The following FSCN2 variants were observed in gnomAD, a reference collection of about 807,000 sequenced individuals.
The protein encoded by FSCN2 is fascin actin-bundling protein 2, retinal.
In FSCN2, 46 loss-of-function variants were observed where a neutral mutation model predicts 37.8. The observed-to-expected ratio is 1.22, with a 90% CI of 0.96 to 1.56. The LOEUF (loss-of-function observed/expected upper bound fraction) is 1.56. Among genes scored for constraint, FSCN2 ranks in the 40% most tolerant of loss-of-function variants. The pLI, the probability that FSCN2 is intolerant of heterozygous loss-of-function variation, is 0.00. For synonymous variants in FSCN2, 351 were observed against 309.4 expected, an observed-to-expected ratio of 1.13 and a Z score of -1.41; for missense variants, 844 against 730.4, an observed-to-expected ratio of 1.16 and a Z score of -1.79.
chr17:81,533,047 C>T (rs1301894680), intron 1 of FSCN2, among the ~76,000 whole-genome samples: 1 of 152,140 alleles, frequency 6.6e-6, no homozygotes. Flanking sequence ...CATCTCAGTC[C>T]TGGGGCATGG....
chr17:81,518,226 C>T, the FSCN2 span, among the ~76,000 whole-genome samples: 1 of 152,138 alleles, frequency 6.6e-6, no homozygotes, highest in Middle Eastern at 3.2e-3. Flanking sequence ...CCTGGCATGC[C>T]CCCATGCCAC....
chr17:81,520,757 C>G, the FSCN2 span, among the ~76,000 whole-genome samples: 1 of 152,244 alleles, frequency 6.6e-6, no homozygotes, highest in Non-Finnish European at 1.5e-5. Flanking sequence ...TCAGGCTTTT[C>G]CTTGCTGATC....
In FSCN2 at chr17:81,535,889, C is replaced by T. The variant is rs569124672; in HGVS notation, c.984-257C>T. Among the ~76,000 whole-genome samples the T allele has an allele frequency of 4.1e-5, 6 of 148,046 alleles. No homozygotes were observed. In the South Asian group the frequency reaches 1.3e-3, roughly 33 times the overall value. On this transcript the variant is annotated intron_variant, in intron 2 of 4. Coordinates refer to ENST00000417245, the MANE Select transcript of FSCN2 (RefSeq NM_012418.4). ...TCTCCATCCCCATCCCCATCTCCAT[C>T]TTCACCATCCCCACCACCGTTCCCA... is the stretch of plus-strand genomic sequence containing the variant.
chr17:81,533,496 G>A (rs1054984886), intron 1 of FSCN2, among the ~76,000 whole-genome samples: 1 of 152,180 alleles, frequency 6.6e-6, no homozygotes, highest in African/African-American at 2.4e-5. Flanking sequence ...TCAGCCTGAC[G>A]CCCTCACGGT....
At chr17:81,534,305 C>T (rs549616403) in intron 1 of FSCN2, among the ~76,000 whole-genome samples, 1 of 152,308 alleles carries the variant, frequency 6.6e-6, no homozygotes, top group South Asian at 2.1e-4. Context: ...CCTCCCAGTC[C>T]CCAGCTGGAC....
intron 1 of FSCN2, among the ~76,000 whole-genome samples, chr17:81,534,116 A>C (rs1568080860): frequency 6.6e-6 from 1 of 152,182 alleles, no homozygotes; most frequent in Non-Finnish European, 1.5e-5. Context: ...GCGTCTGATC[A>C]GTGATGAGTG....
chr17:81,525,959 CCT>C (rs1158386950), upstream of FSCN2, among the ~76,000 whole-genome samples: 1 of 152,218 alleles, frequency 6.6e-6, no homozygotes, highest in African/African-American at 2.4e-5. Context: ...GTCACCCTCC[CCT>C]GTTTAGCTCA....
At chr17:81,532,152 G>GTGATGT (rs2032678853) in intron 1 of FSCN2, among the ~76,000 whole-genome samples, 1 of 128,390 alleles carries the variant, frequency 7.8e-6, no homozygotes, top group Admixed American at 7.6e-5. Context: ...GATGGTGATG[G>GTGATGT]TGATGATGAT....
At chr17:81,531,609 GTGA>G (rs1321530175) in intron 1 of FSCN2, among the ~76,000 whole-genome samples, 2 of 136,492 alleles carry the variant, frequency 1.5e-5, no homozygotes, top group South Asian at 2.6e-4. Context: ...GATGATAATG[GTGA>G]TGATGGTGAT....
rs1598579567 is a variant in FSCN2, at chr17:81,535,171, G to T, written c.946G>T (p.Val316Phe). Reference protein sequence around the residue: ...YSSTGGYWTLVTHGGIHATAT... With the variant: ...YSSTGGYWTLFTHGGIHATAT... ...CAGCACTGGGGGCTACTGGACCCTG[G>T]TCACCCATGGGGGCATTCACGCCAC... is the stretch of plus-strand genomic sequence containing the variant. Residue 316 changes from valine to phenylalanine, a missense_variant, in exon 2 of 5, where the codon GTC (valine) becomes TTC (phenylalanine). Coordinates refer to ENST00000417245, the MANE Select transcript of FSCN2 (RefSeq NM_012418.4). 6.5e-7 allele frequency: 1 copy of T among 1,533,138 alleles called. No individual in the cohort carries two copies. Among genetic ancestry groups the T allele is most frequent in the South Asian group, 1.2e-5 (1 of 83,656 alleles). The allele number at this position is 1,533,138 out of a possible 1,614,324, so 95.0% of individuals were successfully genotyped here. A position where few individuals can be genotyped will look rare whatever the true frequency, so the allele number is the denominator to read the frequency against.
chr17:81,535,809 ATCTCCATCACCATCCCCC>A (rs2032854167), intron 2 of FSCN2, among the ~76,000 whole-genome samples: 1 of 48,574 alleles, frequency 2.1e-5, no homozygotes, highest in Non-Finnish European at 3.8e-5. Context: ...CACCATCCCC[ATCTCCATCACCATCCCCC>A]TCTCCATCCC....
In FSCN2 at chr17:81,528,646, A is replaced by T. The variant is rs782367129; in HGVS notation, c.115A>T (p.Ser39Cys). The T allele has an allele frequency of 1.2e-6, 2 of 1,603,858 alleles. No homozygotes were observed. The highest frequency in any genetic ancestry group is 1.7e-6 in the Non-Finnish European group (2 of 1,175,936). ...CTTCAAGGTCAATGCCTCGGCACCC[A>T]GCCTCAAGAGGAAGCAGACCTGGGT... ...FGFKVNASAP[S>C]LKRKQTWVLE... is the part of the protein sequence containing the mutation. The change falls in exon 1 of 5, where the codon AGC (serine) becomes TGC (cysteine). Residue 39 changes from serine (S) to cysteine (C), a missense_variant. By Grantham distance (112) the Ser-to-Cys change is moderately radical. Coordinates refer to ENST00000417245, the MANE Select transcript of FSCN2 (RefSeq NM_012418.4).
intron 1 of FSCN2, among the ~76,000 whole-genome samples, chr17:81,533,428 C>T (rs192177146): frequency 1.2e-4 from 18 of 152,276 alleles, no homozygotes; most frequent in Non-Finnish European, 2.1e-4. Context: ...CAGCAGCTTC[C>T]CCGGAGTCCT....
rs142557936 is a variant in FSCN2, at chr17:81,531,318, A to ATGATGGTGG, written c.826+1964_826+1972dup. ...GGTGATGGTGATGGTGGTGGTGGTG[A>ATGATGGTGG]TGATGGTGGTGGTGGTGATGGTGGT... On this transcript the variant is annotated intron_variant, in intron 1 of 4. Coordinates refer to ENST00000417245, the MANE Select transcript of FSCN2 (RefSeq NM_012418.4). 1.6e-3 allele frequency among the ~76,000 whole-genome samples: 65 copies of ATGATGGTGG among 39,934 alleles called. 1 individual carries two copies. Among genetic ancestry groups the ATGATGGTGG allele is most frequent in the Middle Eastern group, 0.024 (2 of 84 alleles). 26.2% of individuals were successfully genotyped at this position (39,934 alleles called of 152,430 possible).
chr17:81,521,053 C>T, the FSCN2 span, among the ~76,000 whole-genome samples: 9 of 151,766 alleles, frequency 5.9e-5, no homozygotes, highest in East Asian at 1.9e-4. Flanking sequence ...AGTTTTTAAC[C>T]TTTTGGTTTT....
rs1204565232 is a variant in FSCN2, at chr17:81,536,561, C to T, written c.1106-61C>T. The T allele has an allele frequency of 3.8e-6, 6 of 1,592,882 alleles. No individual in the cohort carries two copies. The highest frequency in any genetic ancestry group is 4.5e-5 in the East Asian group (2 of 44,406). The stretch of plus-strand genomic sequence containing the variant: ...GTGGCGTTTCCCAGGGCCCCCACCC[C>T]GCCCGGCCTGGACAGGGAAGGTGGC... On this transcript the variant is annotated intron_variant, in intron 3 of 4. Transcript: ENST00000417245.
At chr17:81,525,509 T>G (rs2032325151), upstream of FSCN2, among the ~76,000 whole-genome samples, 1 of 147,254 alleles carries the variant, frequency 6.8e-6, no homozygotes, top group Non-Finnish European at 1.5e-5. Context: ...GATCACAAGG[T>G]CAGGAGTTCG....
upstream of FSCN2, chr17:81,527,362 GGC>G (rs2032382209): frequency 6.6e-6 from 1 of 152,316 alleles, no homozygotes; most frequent in Non-Finnish European, 1.5e-5. Flanking sequence ...GGCTGGCCCT[GGC>G]CCAGGGTGGC....
At chr17:81,524,081 A>AG (rs1165032036), upstream of FSCN2, among the ~76,000 whole-genome samples, 2 of 152,176 alleles carry the variant, frequency 1.3e-5, no homozygotes, top group Non-Finnish European at 2.9e-5. Flanking sequence ...CTGGAGCACC[A>AG]GGACAGCCCG....
Sources: allele counts gnomAD v4.1 joint callset (sites outside exome capture counted in the v4.1 genomes callset), GRCh38; gene constraint gnomAD v4.1.1; transcripts MANE v1.5; gene names NCBI Gene and HGNC (gene_info 2026-07-23, HGNC 2026-07-21).